The following AUTS2 variants were observed in gnomAD, a reference collection of about 807,000 sequenced individuals.
AUTS2 encodes the protein activator of transcription and developmental regulator AUTS2, also known as autism susceptibility gene 2 protein.
AUTS2 carries 17 observed loss-of-function variants against 112.4 expected under a neutral mutation model. That is an observed-to-expected ratio of 0.15 (90% confidence interval 0.10 to 0.23). The LOEUF (loss-of-function observed/expected upper bound fraction) is 0.23. Among genes scored for constraint, AUTS2 ranks in the 10% least tolerant of loss-of-function variants. The probability of loss-of-function intolerance (pLI) is 1.00; values close to 1 mark genes in which losing one functional copy is unlikely to be tolerated. For synonymous variants in AUTS2, 751 were observed against 702.7 expected, an observed-to-expected ratio of 1.07 and a Z score of -1.09; for missense variants, 1,510 against 1,701.6, an observed-to-expected ratio of 0.89 and a Z score of 1.98.
At chr7:70,372,188 A>T (rs117971953) in intron 4 of AUTS2, among the ~76,000 whole-genome samples, 6,739 of 152,322 alleles carry the variant, frequency 0.044, 198 homozygotes, top group Non-Finnish European at 0.068. Flanking sequence ...CAGAAAGAAG[A>T]GGTAGATAAT....
intron 2 of AUTS2, among the ~76,000 whole-genome samples, chr7:69,940,379 G>C (rs539878434): frequency 6.6e-6 from 1 of 152,174 alleles, no homozygotes; most frequent in African/African-American, 2.4e-5. Flanking sequence ...AGGATGAGTA[G>C]GTGCTCTCTA....
chr7:70,563,276 T>TG (rs1801565993), intron 5 of AUTS2, among the ~76,000 whole-genome samples: 1 of 152,186 alleles, frequency 6.6e-6, no homozygotes, highest in African/African-American at 2.4e-5. Context: ...TCTGAAAGTA[T>TG]GAAAAATTAA....
chr7:69,984,019 A>G (rs1798403129), intron 2 of AUTS2, among the ~76,000 whole-genome samples: 1 of 152,184 alleles, frequency 6.6e-6, no homozygotes, highest in South Asian at 2.1e-4. Flanking sequence ...ATGCAGGAAT[A>G]TGTGGTAACA....
chr7:70,742,150 G>C (rs937976710), intron 6 of AUTS2, among the ~76,000 whole-genome samples: 3 of 152,138 alleles, frequency 2.0e-5, no homozygotes, highest in African/African-American at 7.2e-5. Context: ...CCAGGCACTG[G>C]TATATAAGGA....
intron 1 of AUTS2, among the ~76,000 whole-genome samples, chr7:69,729,015 A>T (rs955498274): frequency 2.0e-5 from 3 of 152,174 alleles, no homozygotes; most frequent in Non-Finnish European, 4.4e-5. Context: ...TCTATGATAC[A>T]TTTATAATTT....
chr7:70,456,419 C>T (rs1031055936), intron 5 of AUTS2, among the ~76,000 whole-genome samples: 2 of 152,258 alleles, frequency 1.3e-5, no homozygotes, highest in Non-Finnish European at 1.5e-5. Flanking sequence ...ATGCGAGTGT[C>T]ATGTGCAATT....
intron 2 of AUTS2, among the ~76,000 whole-genome samples, chr7:70,084,928 AGTG>A (rs1216807433): frequency 6.6e-6 from 1 of 152,130 alleles, no homozygotes; most frequent in Admixed American, 6.6e-5. Context: ...GCTGGAGTGC[AGTG>A]GCATGGTTAT....
chr7:70,484,230 C>A (rs11765084), intron 5 of AUTS2, among the ~76,000 whole-genome samples: 1 of 152,152 alleles, frequency 6.6e-6, no homozygotes, highest in Non-Finnish European at 1.5e-5. Flanking sequence ...AAATCCATAT[C>A]GGAATTTAAC....
At chr7:70,479,025 C>G (rs1321865702) in intron 5 of AUTS2, among the ~76,000 whole-genome samples, 2 of 150,976 alleles carry the variant, frequency 1.3e-5, no homozygotes, top group Admixed American at 6.6e-5. Flanking sequence ...ATTTAATTAC[C>G]CAGTCTACTT....
chr7:70,638,395 C>CT (rs1805633266), intron 5 of AUTS2, among the ~76,000 whole-genome samples: 1 of 152,172 alleles, frequency 6.6e-6, no homozygotes, highest in Admixed American at 6.5e-5. Flanking sequence ...GGATTGTAAA[C>CT]TTGAGAGCAA....
chr7:70,582,593 C>T (rs2129527358), intron 5 of AUTS2, among the ~76,000 whole-genome samples: 1 of 152,316 alleles, frequency 6.6e-6, no homozygotes, highest in Non-Finnish European at 1.5e-5. Context: ...TCACAGAATT[C>T]AAGGTACAGA....
intron 1 of AUTS2, among the ~76,000 whole-genome samples, chr7:69,666,570 CATG>C (rs1194593749): frequency 6.6e-6 from 1 of 152,070 alleles, no homozygotes; most frequent in Non-Finnish European, 1.5e-5. Context: ...CCATGTTCCC[CATG>C]ATAAGGAAAC....
At chr7:70,679,391 A>C (rs1202476757) in intron 5 of AUTS2, among the ~76,000 whole-genome samples, 5 of 152,236 alleles carry the variant, frequency 3.3e-5, no homozygotes, top group Non-Finnish European at 2.9e-5. Flanking sequence ...GGAGATGCTC[A>C]GCCTGCCCAA....
intron 4 of AUTS2, among the ~76,000 whole-genome samples, chr7:70,265,588 A>C (rs1471770514): frequency 2.0e-5 from 3 of 152,154 alleles, no homozygotes; most frequent in Admixed American, 2.0e-4. Flanking sequence ...TGTTTCATTA[A>C]TTCTTTGCAA....
intron 5 of AUTS2, among the ~76,000 whole-genome samples, chr7:70,547,590 G>A (rs761035564): frequency 5.9e-4 from 89 of 152,070 alleles, no homozygotes; most frequent in Admixed American, 1.5e-3. Context: ...TCTTTCACTC[G>A]TCCTAATGTT....
At chr7:69,805,925 G>A (rs1291640562) in intron 1 of AUTS2, among the ~76,000 whole-genome samples, 1 of 152,000 alleles carries the variant, frequency 6.6e-6, no homozygotes, top group East Asian at 1.9e-4. Flanking sequence ...TTGAGACAGG[G>A]TCTTACTCTG....
At chr7:70,364,144 G>A (rs376927365) in intron 4 of AUTS2, among the ~76,000 whole-genome samples, 2 of 152,176 alleles carry the variant, frequency 1.3e-5, no homozygotes, top group South Asian at 2.1e-4. Context: ...CAATTATCAC[G>A]TTGATATGGA....
intron 2 of AUTS2, among the ~76,000 whole-genome samples, chr7:70,024,133 C>T (rs1374477990): frequency 6.6e-6 from 1 of 152,170 alleles, no homozygotes; most frequent in Non-Finnish European, 1.5e-5. Context: ...TCTTGTTCCC[C>T]CATTCCCCAT....
chr7:70,498,959 G>A (rs1798666656), intron 5 of AUTS2, among the ~76,000 whole-genome samples: 1 of 152,184 alleles, frequency 6.6e-6, no homozygotes, highest in Non-Finnish European at 1.5e-5. Flanking sequence ...GCATGGGGCT[G>A]GACCGAACCT....
Sources: allele counts gnomAD v4.1 joint callset (sites outside exome capture counted in the v4.1 genomes callset), GRCh38; gene constraint gnomAD v4.1.1; transcripts MANE v1.5; gene names NCBI Gene and HGNC (gene_info 2026-07-23, HGNC 2026-07-21).